Variants in NRG1 observed in about 807,000 individuals in gnomAD.
The protein encoded by NRG1 is pro-neuregulin-1, membrane-bound isoform.
In NRG1, 18 loss-of-function variants were observed where a neutral mutation model predicts 63.8. The observed-to-expected ratio is 0.28, with a 90% CI of 0.19 to 0.42. The LOEUF (loss-of-function observed/expected upper bound fraction) is 0.42. NRG1 is among the 10% of genes least tolerant of loss of function. The pLI is 1.00. For missense variants in NRG1, 762 were observed against 814.7 expected (o/e 0.94, Z 0.79); for synonymous variants, 302 against 301.3 (o/e 1.00, Z -0.02).
chr8:31,859,738 T>C (rs1453526907), intron 1 of NRG1, among the ~76,000 whole-genome samples: 1 of 152,250 alleles, frequency 6.6e-6, no homozygotes, highest in Non-Finnish European at 1.5e-5. Context: ...GCTGAAACTC[T>C]TTGAGTTCTT....
downstream of NRG1, among the ~76,000 whole-genome samples, chr8:32,772,192 A>G (rs1182965493): frequency 4.6e-5 from 7 of 151,384 alleles, no homozygotes; most frequent in Non-Finnish European, 1.0e-4. Context: ...CCATCCAATA[A>G]TTCCTCACGT....
intron 1 of NRG1, among the ~76,000 whole-genome samples, chr8:32,407,313 T>G (rs1416416055): frequency 3.3e-4 from 1 of 3,024 alleles, no homozygotes; most frequent in Non-Finnish European, 8.2e-4. Context: ...TATATATATA[T>G]ATATATTATA....
intron 1 of NRG1, among the ~76,000 whole-genome samples, chr8:32,156,431 C>T (rs532464816): frequency 1.3e-5 from 2 of 152,306 alleles, no homozygotes; most frequent in Admixed American, 6.5e-5. Context: ...GCTTTGCTTT[C>T]TTCTCCTTCA....
intron 1 of NRG1, among the ~76,000 whole-genome samples, chr8:31,693,140 G>T (rs1416486449): frequency 2.0e-5 from 3 of 152,136 alleles, no homozygotes; most frequent in Non-Finnish European, 2.9e-5. Flanking sequence ...CTATCTTGCT[G>T]CATTTAGGGA....
intron 1 of NRG1, among the ~76,000 whole-genome samples, chr8:31,901,571 T>G (rs2129615372): frequency 6.6e-6 from 1 of 152,320 alleles, no homozygotes; most frequent in South Asian, 2.1e-4. Context: ...AGATCCATTT[T>G]AACAGGTGCC....
intron 1 of NRG1, among the ~76,000 whole-genome samples, chr8:32,476,225 C>T (rs922493216): frequency 6.6e-6 from 1 of 152,144 alleles, no homozygotes; most frequent in Admixed American, 6.5e-5. Flanking sequence ...GGACCAATGA[C>T]AAGAATTAGA....
At chr8:31,639,882 G>A (rs1803564760) in intron 1 of NRG1, 1 of 1,086,560 alleles carries the variant, frequency 9.2e-7, no homozygotes, top group Non-Finnish European at 1.1e-6. Flanking sequence ...GGCAAGGGGG[G>A]AGGAGGAGGA....
At chr8:31,837,559 T>C (rs1171716447) in intron 1 of NRG1, among the ~76,000 whole-genome samples, 1 of 152,058 alleles carries the variant, frequency 6.6e-6, no homozygotes, top group Non-Finnish European at 1.5e-5. Context: ...GTAGTCACCT[T>C]ACTGTTCAAC....
At chr8:31,856,841 C>G (rs916716701) in intron 1 of NRG1, among the ~76,000 whole-genome samples, 6 of 152,162 alleles carry the variant, frequency 3.9e-5, no homozygotes, top group African/African-American at 1.4e-4. Flanking sequence ...AGACAGGACC[C>G]TCAGCTGCAC....
intron 1 of NRG1, among the ~76,000 whole-genome samples, chr8:32,381,755 G>A (rs1029567352): frequency 2.6e-5 from 4 of 152,104 alleles, no homozygotes; most frequent in Admixed American, 6.5e-5. Flanking sequence ...TCAAGAAAAT[G>A]TTATGGATTT....
chr8:32,736,216 A>C (rs1035942463), intron 6 of NRG1, among the ~76,000 whole-genome samples: 38 of 152,242 alleles, frequency 2.5e-4, no homozygotes, highest in Admixed American at 2.6e-4. Flanking sequence ...TGCAAACCTC[A>C]AGAAACTTCA....
chr8:32,324,587 C>G (rs950364991), intron 1 of NRG1, among the ~76,000 whole-genome samples: 1 of 152,184 alleles, frequency 6.6e-6, no homozygotes, highest in Non-Finnish European at 1.5e-5. Context: ...CTTCCCAGCA[C>G]CAAACTTTGA....
In NRG1 at chr8:32,614,576, A is replaced by C. The variant is rs775120472; in HGVS notation, c.451+12A>C. ...ATATGTGTCTTCAGGTAAGGAAAAT[A>C]AGCCTGGCAAATTTTACTAACCAGA... On this transcript the variant is annotated intron_variant, in intron 4 of 11. Coordinates refer to ENST00000356819, the Ensembl canonical transcript of NRG1. 1.2e-6 allele frequency: 2 copies of C among 1,610,794 alleles called. No homozygotes were observed. Among genetic ancestry groups the C allele is most frequent in the Non-Finnish European group, 1.7e-6 (2 of 1,177,688 alleles).
intron 1 of NRG1, among the ~76,000 whole-genome samples, chr8:31,858,901 C>T (rs1828208153): frequency 6.6e-6 from 1 of 152,192 alleles, no homozygotes; most frequent in Non-Finnish European, 1.5e-5. Flanking sequence ...CTGACTCCCA[C>T]TTCCTCAAGC....
At chr8:31,832,579 T>C (rs1331105246) in intron 1 of NRG1, among the ~76,000 whole-genome samples, 1 of 152,162 alleles carries the variant, frequency 6.6e-6, no homozygotes, top group African/African-American at 2.4e-5. Context: ...TTTTTCATAA[T>C]GGCAGAGAAT....
At chr8:32,392,439 G>A (rs1811894215) in intron 1 of NRG1, among the ~76,000 whole-genome samples, 1 of 152,172 alleles carries the variant, frequency 6.6e-6, no homozygotes, top group Non-Finnish European at 1.5e-5. Context: ...AATGTTGTAT[G>A]CCATTTGGCA....
chr8:31,801,244 T>C (rs1002646335), intron 1 of NRG1, among the ~76,000 whole-genome samples: 5 of 152,144 alleles, frequency 3.3e-5, no homozygotes, highest in Non-Finnish European at 7.3e-5. Flanking sequence ...TTGGCTGACA[T>C]TTGGAAAAAT....
At chr8:32,433,720 A>AATTCAC (rs1818449453) in intron 1 of NRG1, among the ~76,000 whole-genome samples, 1 of 152,120 alleles carries the variant, frequency 6.6e-6, no homozygotes, top group Admixed American at 6.6e-5. Context: ...TGGATGTTAG[A>AATTCAC]ATTCACCCCT....
At chr8:32,060,077 A>G (rs546777796) in intron 1 of NRG1, among the ~76,000 whole-genome samples, 1 of 151,622 alleles carries the variant, frequency 6.6e-6, no homozygotes, top group East Asian at 1.9e-4. Flanking sequence ...TTCTGTTTTT[A>G]TTTTTTGGTT....
Sources: allele counts gnomAD v4.1 joint callset (sites outside exome capture counted in the v4.1 genomes callset), GRCh38; gene constraint gnomAD v4.1.1; transcripts MANE v1.5; gene names NCBI Gene and HGNC (gene_info 2026-07-23, HGNC 2026-07-21).